Variants in MACROH2A2 observed in about 807,000 individuals in gnomAD.
MACROH2A2 encodes the protein core histone macro-H2A.2.
MACROH2A2 carries 6 observed loss-of-function variants against 37.6 expected under a neutral mutation model. The ratio of observed to expected loss-of-function variants is 0.16; its 90% CI spans 0.09 to 0.32. MACROH2A2 has a LOEUF of 0.32. Among genes scored for constraint, MACROH2A2 ranks in the 10% least tolerant of loss-of-function variants. MACROH2A2 has a pLI of 1.00. For synonymous variants in MACROH2A2, 192 were observed against 202.7 expected, an observed-to-expected ratio of 0.95 and a Z score of 0.45; for missense variants, 290 against 485.9, an observed-to-expected ratio of 0.60 and a Z score of 3.79.
Position 70,108,914 on chromosome 10 carries a change from C to T in MACROH2A2, c.779-119C>T, listed in dbSNP as rs1423191090. On this transcript the variant is annotated intron_variant, in intron 7 of 8. Transcript: ENST00000373255. ...TCCACATCAGGAGCACAGGATGCTG[C>T]CCAGCCAACGTCTCTATCACTGCCT... 1.5e-5 allele frequency: 13 copies of T among 864,908 alleles called. 1 individual carries two copies. Among genetic ancestry groups the T allele is most frequent in the East Asian group, 9.7e-5 (4 of 41,338 alleles). The allele number at this position is 864,908 out of a possible 1,614,324, so 53.6% of individuals were successfully genotyped here. A position where few individuals can be genotyped will look rare whatever the true frequency, so the allele number is the denominator to read the frequency against.
At chr10:70,086,502 C>T (rs1464026331) in intron 2 of MACROH2A2, among the ~76,000 whole-genome samples, 2 of 152,180 alleles carry the variant, frequency 1.3e-5, no homozygotes, top group Non-Finnish European at 2.9e-5. Flanking sequence ...ATTATTTTGT[C>T]TGTGAATGTC....
intron 2 of MACROH2A2, among the ~76,000 whole-genome samples, chr10:70,085,859 G>T (rs2072207378): frequency 6.6e-6 from 1 of 152,124 alleles, no homozygotes; most frequent in Admixed American, 6.5e-5. Flanking sequence ...ATAAGGATTT[G>T]GCAGGATTAA....
intron 1 of MACROH2A2, among the ~76,000 whole-genome samples, chr10:70,054,775 G>T (rs1296380940): frequency 6.6e-6 from 1 of 152,116 alleles, no homozygotes; most frequent in Admixed American, 6.5e-5. Context: ...AATAAATAGA[G>T]GCACTGCCCG....
At chr10:70,083,553 G>T (rs937943520) in intron 2 of MACROH2A2, among the ~76,000 whole-genome samples, 1 of 151,986 alleles carries the variant, frequency 6.6e-6, no homozygotes, top group African/African-American at 2.4e-5. Flanking sequence ...TGGGGCCACA[G>T]GCATGGCCAG....
chr10:70,110,863 G>A (rs1469167988), intron 8 of MACROH2A2, among the ~76,000 whole-genome samples: 1 of 152,124 alleles, frequency 6.6e-6, no homozygotes, highest in Middle Eastern at 3.2e-3. Flanking sequence ...ACTCTAGCCT[G>A]AGTGATGGAG....
intron 1 of MACROH2A2, among the ~76,000 whole-genome samples, chr10:70,073,160 C>G (rs1279265111): frequency 1.3e-5 from 2 of 152,210 alleles, no homozygotes; most frequent in African/African-American, 4.8e-5. Flanking sequence ...ATTTAGAGCA[C>G]CACAACCCAG....
At chr10:70,063,872 G>A (rs2072063310) in intron 1 of MACROH2A2, among the ~76,000 whole-genome samples, 1 of 152,158 alleles carries the variant, frequency 6.6e-6, no homozygotes, top group African/African-American at 2.4e-5. Flanking sequence ...CACGTCACAG[G>A]GGAAGCCACA....
rs1385621114 is a variant in MACROH2A2, at chr10:70,111,656, G to A, written c.1092G>A (p.Gln364=). ...FDSESIGIYV[Q]EMAKLDAK is the part of the protein sequence containing the mutation. Reference sequence around the variant, plus strand: ...GCGAGAGCATCGGCATCTACGTGCAGGAGATGGCCAAGCTCGACGCCAAGT... The same window carrying A: ...GCGAGAGCATCGGCATCTACGTGCAAGAGATGGCCAAGCTCGACGCCAAGT... Residue 364 remains glutamine (Q), a synonymous_variant, in exon 9 of 9, where the codon CAG becomes CAA. Transcript: ENST00000373255. The A allele has an allele frequency of 6.2e-7, 1 of 1,610,944 alleles. No homozygotes were observed. The highest frequency in any genetic ancestry group is 8.5e-7 in the Non-Finnish European group (1 of 1,178,290).
chr10:70,097,452 T>C (rs1297974988), intron 6 of MACROH2A2, among the ~76,000 whole-genome samples: 1 of 152,136 alleles, frequency 6.6e-6, no homozygotes, highest in Admixed American at 6.5e-5. Context: ...GATTCCATTT[T>C]CCACCACCAT....
intron 2 of MACROH2A2, among the ~76,000 whole-genome samples, chr10:70,086,028 C>T (rs2136632147): frequency 6.6e-6 from 1 of 150,936 alleles, no homozygotes; most frequent in Admixed American, 6.6e-5. Flanking sequence ...GGCAGGGTCT[C>T]CTCTGTCACC....
chr10:70,071,014 T>A (rs2072106621), intron 1 of MACROH2A2, among the ~76,000 whole-genome samples: 1 of 151,702 alleles, frequency 6.6e-6, no homozygotes, highest in Non-Finnish European at 1.5e-5. Flanking sequence ...TGTGTGTGTG[T>A]GAGCGCGTGC....
Position 70,074,357 on chromosome 10 carries a change from C to T in MACROH2A2, c.-59-1243C>T, listed in dbSNP as rs182399033. 1.7e-3 allele frequency among the ~76,000 whole-genome samples: 258 copies of T among 152,346 alleles called. No homozygotes were observed. In the East Asian group the frequency reaches 0.017, roughly 10 times the overall value. ...TGGATTCCTCATTCCAAGGAACAGACGCTCAGGCTGCATTATGGCTTTTCA... is the reference window on the plus strand; with the variant it reads ...TGGATTCCTCATTCCAAGGAACAGATGCTCAGGCTGCATTATGGCTTTTCA... On this transcript the variant is annotated intron_variant, in intron 1 of 8. Transcript: ENST00000373255.
chr10:70,110,142 T>G (rs1403978525), intron 8 of MACROH2A2, among the ~76,000 whole-genome samples: 1 of 152,184 alleles, frequency 6.6e-6, no homozygotes, highest in Non-Finnish European at 1.5e-5. Flanking sequence ...AGTGCTGTTC[T>G]GTGCTGGAAT....
At chr10:70,070,585 G>A (rs1296994693) in intron 1 of MACROH2A2, among the ~76,000 whole-genome samples, 2 of 152,058 alleles carry the variant, frequency 1.3e-5, no homozygotes, top group African/African-American at 4.8e-5. Flanking sequence ...TCCTCCTCCT[G>A]GGTTCAAGTG....
rs1343479348 is a variant in MACROH2A2, at chr10:70,112,266, G to A, written c.*583G>A. The A allele has an allele frequency of 1.3e-5, 2 of 152,026 alleles. No individual in the cohort carries two copies. The highest frequency in any genetic ancestry group is 2.9e-5 in the Non-Finnish European group (2 of 68,030). 9.4% of individuals were successfully genotyped at this position (152,026 alleles called of 1,614,324 possible). ...TGAAAGGAAAAAAATAAAAGATCCA[G>A]TGTCTTTCTTACAACATATTCTTTT... On this transcript the variant is annotated 3_prime_UTR_variant, in exon 9 of 9. Transcript: ENST00000373255.
chr10:70,077,322 C>T (rs764773044), intron 2 of MACROH2A2, among the ~76,000 whole-genome samples: 3 of 152,102 alleles, frequency 2.0e-5, no homozygotes, highest in Non-Finnish European at 2.9e-5. Flanking sequence ...AATCCCAGCA[C>T]TTTGGGAAGC....
rs762665495 is a variant in MACROH2A2 at position 70,109,059 on chromosome 10, G to A, written c.805G>A (p.Ala269Thr). 6.4e-5 allele frequency: 103 copies of A among 1,614,104 alleles called. 2 individuals carry two copies. The South Asian group carries it at 9.4e-4, about 15-fold the overall frequency. ...EAAVSQSSGL[A>T]AKFVIHCHIP... Reference sequence around the variant, plus strand: ...CGCCGTCAGCCAATCCAGTGGACTCGCAGCCAAATTTGTCATCCACTGTCA... The same window carrying A: ...CGCCGTCAGCCAATCCAGTGGACTCACAGCCAAATTTGTCATCCACTGTCA... The change falls in exon 8 of 9, where the codon GCA becomes ACA. Residue 269 changes from alanine (A) to threonine (T), a missense_variant. Physicochemically the swap from Ala to Thr is moderately conservative, Grantham distance 58 (BLOSUM62 0). Transcript: ENST00000373255.
At chr10:70,098,200 C>T (rs1487141652) in intron 6 of MACROH2A2, 1 of 151,690 alleles carries the variant, frequency 6.6e-6, no homozygotes, top group African/African-American at 2.4e-5. Context: ...TGTGATCATA[C>T]CACTACACTC....
chr10:70,103,319 G>A lies in MACROH2A2; in HGVS notation c.778+3022G>A, dbSNP rs145256378. 3.5e-3 allele frequency among the ~76,000 whole-genome samples: 540 copies of A among 152,276 alleles called. 2 individuals carry two copies. Among genetic ancestry groups the A allele is most frequent in the African/African-American group, 0.012 (496 of 41,560 alleles). The stretch of plus-strand genomic sequence containing the variant: ...AGAAACTGCCTGATAGGGTGCAAAG[G>A]AGAGGAAAAATAGCTGCTCTGCACA... On this transcript the variant is annotated intron_variant, in intron 7 of 8. Coordinates refer to ENST00000373255, the MANE Select transcript of MACROH2A2 (RefSeq NM_018649.3).
Sources: gnomAD v4.1 joint callset for allele counts (sites outside exome capture counted in the v4.1 genomes callset) on GRCh38, gnomAD v4.1.1 for gene constraint, MANE v1.5 for transcripts, NCBI Gene and HGNC (gene_info 2026-07-23, HGNC 2026-07-21) for gene names.